SYNE2: variants seen among roughly 807,000 people sequenced by gnomAD.
The protein encoded by SYNE2 is spectrin repeat containing nuclear envelope protein 2, also known as nesprin-2.
In SYNE2, 431 loss-of-function variants were observed where a neutral mutation model predicts 856.3. The observed-to-expected ratio is 0.50, with a 90% CI of 0.47 to 0.55. The LOEUF (loss-of-function observed/expected upper bound fraction) is 0.55, where lower values mean the gene tolerates loss of function less well. Ranked by LOEUF, SYNE2 falls within the 20% of genes least tolerant of loss-of-function variation. The pLI is 0.00. For synonymous variants in SYNE2, 2,923 were observed against 2,872.3 expected (o/e 1.02, Z -0.56); for missense variants, 8,129 against 8,023.2 (o/e 1.01, Z -0.50).
In SYNE2 at chr14:63,961,638, A is replaced by G. The variant is rs2096315740; in HGVS notation, c.888+13A>G. Reference sequence around the variant, plus strand: ...AGAGGAGGCTCAGGTATGTTTTCATATGCATAAATCAAGCTCATTTTAGTT... The same window carrying G: ...AGAGGAGGCTCAGGTATGTTTTCATGTGCATAAATCAAGCTCATTTTAGTT... On this transcript the variant is annotated intron_variant, in intron 9 of 115. Coordinates refer to ENST00000555002, the MANE Select transcript of SYNE2 (RefSeq NM_182914.3). The G allele has an allele frequency of 6.3e-7, 1 of 1,582,566 alleles. No individual in the cohort carries two copies. Among genetic ancestry groups the G allele is most frequent in the Non-Finnish European group, 8.7e-7 (1 of 1,151,546 alleles).
intron 99 of SYNE2, among the ~76,000 whole-genome samples, chr14:64,199,408 GATA>G (rs1251010599): frequency 3.9e-5 from 6 of 152,152 alleles, no homozygotes; most frequent in African/African-American, 1.2e-4. Context: ...GTCAAGTAGG[GATA>G]ATAATACTAC....
chr14:64,053,214 A>G lies in SYNE2; in HGVS notation c.9301A>G (p.Ile3101Val), dbSNP rs775667616. The part of the protein sequence containing the change: ...IEKAKCLCDE[I>V]IKKLNENKTF... ...GAAAGCCAAGTGTTTATGTGATGAG[A>G]TAATAAAGAAATTAAATGAAAATAA... Residue 3101 changes from isoleucine to valine, a missense_variant, in exon 48 of 116, where the codon ATA (isoleucine) becomes GTA (valine). This residue lies in a region of SYNE2 where 5,410 missense variants were observed against 5,284.8 expected (regional missense o/e 1.02). Transcript: ENST00000555002. 3.1e-6 allele frequency: 5 copies of G among 1,613,168 alleles called. No homozygotes were observed. In the East Asian group the frequency reaches 1.1e-4, roughly 36 times the overall value.
At chr14:63,923,527 A>G (rs1334367653) in intron 2 of SYNE2, among the ~76,000 whole-genome samples, 1 of 152,228 alleles carries the variant, frequency 6.6e-6, no homozygotes, top group Non-Finnish European at 1.5e-5. Flanking sequence ...AATGTTTTCT[A>G]AATTCCTATA....
At chr14:63,861,036 A>C (rs1454232367) in intron 1 of SYNE2, among the ~76,000 whole-genome samples, 1 of 152,086 alleles carries the variant, frequency 6.6e-6, no homozygotes, top group Non-Finnish European at 1.5e-5. Flanking sequence ...ATTCTGATGC[A>C]TGCTCCAGAC....
chr14:64,068,861 CAAAAAAAAAAAAA>C (rs10546690), intron 51 of SYNE2, among the ~76,000 whole-genome samples: 1 of 76,644 alleles, frequency 1.3e-5, no homozygotes, highest in African/African-American at 4.4e-5. Context: ...GACTCCGTCT[CAAAAAAAAAAAAA>C]AAAAAAAAAA....
chr14:64,214,157 A>C (rs1418732717), intron 105 of SYNE2, 37 bp from the exon 106 acceptor site: 3 of 1,614,206 alleles, frequency 1.9e-6, no homozygotes, highest in South Asian at 1.1e-5. Context: ...GAAGCCTATG[A>C]GTTGATTAAT....
At chr14:63,870,020 C>G (rs1457713983) in intron 1 of SYNE2, among the ~76,000 whole-genome samples, 1 of 152,152 alleles carries the variant, frequency 6.6e-6, no homozygotes, top group Non-Finnish European at 1.5e-5. Flanking sequence ...ACTCCTGCCT[C>G]TCTAATACAT....
At chr14:63,819,738 G>A (rs61985727) in intron 1 of SYNE2, among the ~76,000 whole-genome samples, 62,768 of 151,386 alleles carry the variant, frequency 0.41, 14,614 homozygotes, top group South Asian at 0.55. Flanking sequence ...GGGTTTCACC[G>A]TGTTAGCCAG....
rs747109597 is a variant in SYNE2 at position 64,102,034 on chromosome 14, A to G, written c.12484A>G (p.Ile4162Val). The change falls in exon 64 of 116, where the codon ATT becomes GTT. Residue 4162 changes from isoleucine (I) to valine (V), a missense_variant. Physicochemically the swap from Ile to Val is conservative, Grantham distance 29. Around this residue, in one of 3 missense-constraint regions of SYNE2, gnomAD observed 5,410 missense variants for 5,284.8 expected, o/e 1.02. Coordinates refer to ENST00000555002, the MANE Select transcript of SYNE2 (RefSeq NM_182914.3). ...EDRASSSSGT[I>V]VQEAYGKIST... ...CAGAGCTTCCTCATCCTCTGGAACA[A>G]TTGTTCAGGTAATGCTGGGCGTATC... 2 of 1,612,700 alleles carry G rather than the reference A, an allele frequency of 1.2e-6. No individual in the cohort carries two copies. Among genetic ancestry groups the G allele is most frequent in the Non-Finnish European group, 1.7e-6 (2 of 1,178,784 alleles).
At chr14:63,802,463 G>C (rs528247639) in intron 1 of SYNE2, among the ~76,000 whole-genome samples, 1 of 152,198 alleles carries the variant, frequency 6.6e-6, no homozygotes, top group South Asian at 2.1e-4. Flanking sequence ...CCTTATGTCA[G>C]ATGAGACATT....
chr14:64,048,969 A>G (rs1271559261), intron 46 of SYNE2: 1 of 152,036 alleles, frequency 6.6e-6, no homozygotes, highest in African/African-American at 2.4e-5. Flanking sequence ...AAGTTTCCAC[A>G]ACAATAAACA....
chr14:63,785,872 A>G lies in SYNE2; in HGVS notation c.-305+23886A>G, dbSNP rs1247988316. ...TGTAGGTCCAGCATTTTGGGAGGCC[A>G]AGGCAGGAGGACCAATCGAGCCCAG... On this transcript the variant is annotated intron_variant, in intron 1 of 23. Coordinates refer to the SYNE2 transcript ENST00000674003. Among the ~76,000 whole-genome samples, 3 of 152,040 alleles carry G rather than the reference A, an allele frequency of 2.0e-5. No individual in the cohort carries two copies. In the East Asian group the frequency reaches 5.8e-4, roughly 29 times the overall value.
intron 8 of SYNE2, among the ~76,000 whole-genome samples, chr14:63,959,544 G>A (rs34581223): frequency 0.089 from 13,441 of 151,742 alleles, 650 homozygotes; most frequent in South Asian, 0.17. Flanking sequence ...GTGATTCGCC[G>A]CCTTGACCTC....
At chr14:63,898,425 G>T (rs1323524051) in intron 1 of SYNE2, among the ~76,000 whole-genome samples, 2 of 150,852 alleles carry the variant, frequency 1.3e-5, no homozygotes, top group African/African-American at 2.4e-5. Flanking sequence ...ATTTTTTTTT[G>T]AGACAGAGTT....
At chr14:63,858,175 A>T (rs1413552188) in intron 1 of SYNE2, among the ~76,000 whole-genome samples, 1 of 148,310 alleles carries the variant, frequency 6.7e-6, no homozygotes, top group African/African-American at 2.5e-5. Flanking sequence ...GAGTGCAGTG[A>T]CACAGTCTCA....
chr14:63,968,527 T>A (rs1053536881), intron 11 of SYNE2, among the ~76,000 whole-genome samples: 3 of 152,178 alleles, frequency 2.0e-5, no homozygotes, highest in Admixed American at 2.0e-4. Context: ...AAGGATGAAT[T>A]TGTGCATGTG....
intron 2 of SYNE2, among the ~76,000 whole-genome samples, chr14:63,936,103 G>A (rs560264229): frequency 2.5e-4 from 38 of 152,252 alleles, no homozygotes; most frequent in African/African-American, 7.9e-4. Context: ...TCGAACTTCT[G>A]ACCTTGTGAT....
At chr14:64,089,478 G>T in intron 58 of SYNE2, 96 bp from the exon 59 acceptor site, 1 of 1,181,754 alleles carries the variant, frequency 8.5e-7, no homozygotes. Flanking sequence ...GACATTATTT[G>T]GCTAAATAAG....
At chr14:63,859,053 A>G (rs1892762064) in intron 1 of SYNE2, among the ~76,000 whole-genome samples, 1 of 152,122 alleles carries the variant, frequency 6.6e-6, no homozygotes, top group Non-Finnish European at 1.5e-5. Flanking sequence ...ACATTTGGTA[A>G]TTTTTGGAGA....
Sources: allele counts gnomAD v4.1 joint callset (sites outside exome capture counted in the v4.1 genomes callset), GRCh38; gene constraint gnomAD v4.1.1; regional missense constraint gnomAD v4.1.1; transcripts MANE v1.5; gene names NCBI Gene and HGNC (gene_info 2026-07-23, HGNC 2026-07-21).